SLC6A11: variants seen among roughly 807,000 people sequenced by gnomAD.
The protein encoded by SLC6A11 is sodium- and chloride-dependent GABA transporter 3.
In SLC6A11, 25 loss-of-function variants were observed where a neutral mutation model predicts 74.8. That is an observed-to-expected ratio of 0.33 (90% confidence interval 0.24 to 0.47). SLC6A11 has a LOEUF of 0.47. Among genes scored for constraint, SLC6A11 ranks in the 20% least tolerant of loss-of-function variants. The pLI, the probability that SLC6A11 is intolerant of heterozygous loss-of-function variation, is 1.00. For missense variants in SLC6A11, 574 were observed against 837.0 expected, an observed-to-expected ratio of 0.69 and a Z score of 3.88; for synonymous variants, 330 against 330.2, an observed-to-expected ratio of 1.00 and a Z score of 0.01.
intron 10 of SLC6A11, among the ~76,000 whole-genome samples, chr3:10,930,479 G>C (rs1040597455): frequency 2.0e-5 from 3 of 152,192 alleles, no homozygotes; most frequent in Non-Finnish European, 4.4e-5. Context: ...ACATTAATGA[G>C]AGTGATAATC....
At chr3:10,837,149 G>T (rs973252439) in intron 4 of SLC6A11, among the ~76,000 whole-genome samples, 1 of 152,210 alleles carries the variant, frequency 6.6e-6, no homozygotes, top group Non-Finnish European at 1.5e-5. Flanking sequence ...TTGAGCTGGT[G>T]CTTGAAGGAT....
At chr3:10,872,563 T>C (rs1050684452) in intron 5 of SLC6A11, among the ~76,000 whole-genome samples, 27 of 152,366 alleles carry the variant, frequency 1.8e-4, no homozygotes, top group African/African-American at 5.8e-4. Flanking sequence ...CTCCTGTCTA[T>C]AAGTCTTTCT....
chr3:10,851,578 G>T (rs191019772), intron 5 of SLC6A11, among the ~76,000 whole-genome samples: 51 of 152,336 alleles, frequency 3.3e-4, no homozygotes, highest in Admixed American at 1.3e-4. Context: ...TCATTGCAAG[G>T]CCAAGGCCTG....
At chr3:10,868,324 C>T (rs1694789378) in intron 5 of SLC6A11, among the ~76,000 whole-genome samples, 1 of 152,170 alleles carries the variant, frequency 6.6e-6, no homozygotes, top group African/African-American at 2.4e-5. Context: ...GGTGGCCCTT[C>T]TACAATGTTT....
At chr3:10,819,625 A>G in intron 2 of SLC6A11, 26 bp downstream of exon 2, 1 of 1,609,796 alleles carries the variant, frequency 6.2e-7, no homozygotes. Flanking sequence ...ATGAGAAAAT[A>G]AAATTTTGCC....
intron 6 of SLC6A11, among the ~76,000 whole-genome samples, chr3:10,907,191 C>T (rs1243442596): frequency 1.3e-5 from 2 of 151,952 alleles, no homozygotes; most frequent in Non-Finnish European, 2.9e-5. Flanking sequence ...GACAAAAATA[C>T]TATTTAAAAA....
At chr3:10,890,259 GC>G (rs1202316536) in intron 6 of SLC6A11, among the ~76,000 whole-genome samples, 1 of 152,248 alleles carries the variant, frequency 6.6e-6, no homozygotes, top group African/African-American at 2.4e-5. Context: ...TGGAAATGGA[GC>G]AGTCACTCCT....
At chr3:10,847,626 C>G (rs1694520745) in intron 5 of SLC6A11, among the ~76,000 whole-genome samples, 1 of 152,106 alleles carries the variant, frequency 6.6e-6, no homozygotes, top group Non-Finnish European at 1.5e-5. Flanking sequence ...AAATGTCAGG[C>G]CAGGAGTGAG....
chr3:10,818,279 G>C (rs983025796), intron 1 of SLC6A11, among the ~76,000 whole-genome samples: 1 of 152,086 alleles, frequency 6.6e-6, no homozygotes, highest in Non-Finnish European at 1.5e-5. Flanking sequence ...AGGTTTCACA[G>C]GTAAATAACA....
intron 5 of SLC6A11, among the ~76,000 whole-genome samples, chr3:10,848,654 A>G (rs764470466): frequency 6.6e-6 from 1 of 152,196 alleles, no homozygotes; most frequent in Non-Finnish European, 1.5e-5. Context: ...GATACACCAG[A>G]GAGACACTGG....
chr3:10,866,602 G>A (rs1694765458), intron 5 of SLC6A11, among the ~76,000 whole-genome samples: 4 of 152,192 alleles, frequency 2.6e-5, no homozygotes, highest in African/African-American at 9.6e-5. Flanking sequence ...AATTTTCACA[G>A]CTAATGATAC....
At position 10,918,746 on chromosome 3, in the gene SLC6A11, G is replaced by C. The variant is rs976525145; in HGVS notation, c.1120+293G>C. Among the ~76,000 whole-genome samples, 4 of 152,090 alleles carry C rather than the reference G, an allele frequency of 2.6e-5. No homozygotes were observed. The East Asian group carries it at 5.8e-4, about 22-fold the overall frequency. ...CCCACTAGCCCGGACCACCATCACT[G>C]CTCACCTGGATGGCTCAGAAACCTT... On this transcript the variant is annotated intron_variant, in intron 8 of 13. Transcript: ENST00000254488. This position sits in a 1 kb window ranked among gnomAD's most constrained non-coding sequence, Gnocchi z 4.5.
intron 10 of SLC6A11, 108 bp downstream of exon 10, chr3:10,929,447 C>T: frequency 8.3e-7 from 1 of 1,207,910 alleles, no homozygotes; most frequent in Admixed American, 2.0e-5. Context: ...GTGCCCTCTG[C>T]CACTCGGTTT....
chr3:10,887,118 T>A (rs111943220), intron 6 of SLC6A11, among the ~76,000 whole-genome samples: 6 of 143,248 alleles, frequency 4.2e-5, no homozygotes, highest in Non-Finnish European at 6.0e-5. Flanking sequence ...GATGGATGGA[T>A]GGAAGGAAGG....
At chr3:10,857,252 G>T (rs1457902910) in intron 5 of SLC6A11, among the ~76,000 whole-genome samples, 1 of 152,192 alleles carries the variant, frequency 6.6e-6, no homozygotes, top group Non-Finnish European at 1.5e-5. Flanking sequence ...GGAGGGGCTA[G>T]AACTGGACCT....
At chr3:10,880,697 A>G (rs1463926831) in intron 6 of SLC6A11, among the ~76,000 whole-genome samples, 1 of 152,008 alleles carries the variant, frequency 6.6e-6, no homozygotes, top group African/African-American at 2.4e-5. Context: ...GCTCAGGTGG[A>G]CTGAGGGCCA....
chr3:10,899,579 A>G (rs1305166762), intron 6 of SLC6A11, among the ~76,000 whole-genome samples: 1 of 152,228 alleles, frequency 6.6e-6, no homozygotes, highest in African/African-American at 2.4e-5. Flanking sequence ...CTTGCTTAGA[A>G]GCATTTCTGC....
chr3:10,861,485 C>G lies in SLC6A11; in HGVS notation c.757-13476C>G, dbSNP rs117742683. ...CAAGCAGTGATTTCACCACTGCACT[C>G]TAGCCTGGGCAATAGAGTGAGACCC... On this transcript the variant is annotated intron_variant, in intron 5 of 13. Coordinates refer to ENST00000254488, the MANE Select transcript of SLC6A11 (RefSeq NM_014229.3). 6.4e-3 allele frequency among the ~76,000 whole-genome samples: 968 copies of G among 152,104 alleles called. 50 individuals are homozygous for G. In the South Asian group the frequency reaches 0.099, roughly 16 times the overall value.
rs1027567943 is a variant in SLC6A11, at chr3:10,848,428, C to T, written c.756+4082C>T. 6.6e-5 allele frequency among the ~76,000 whole-genome samples: 10 copies of T among 152,352 alleles called. No individual in the cohort carries two copies. In the East Asian group the frequency reaches 1.9e-3, roughly 29 times the overall value. On this transcript the variant is annotated intron_variant, in intron 5 of 13. Transcript: ENST00000254488. ...CCCTTGGGCACCTCCCAGTATGCCT[C>T]ACAACCTTTTGATGCTAGGCATGTG... is the stretch of plus-strand genomic sequence containing the variant.
Sources: gnomAD v4.1 joint callset for allele counts (sites outside exome capture counted in the v4.1 genomes callset) on GRCh38, gnomAD v4.1.1 for gene constraint, Gnocchi (gnomAD v3.1) non-coding constraint, MANE v1.5 for transcripts, NCBI Gene and HGNC (gene_info 2026-07-23, HGNC 2026-07-21) for gene names.